PRKRA: variants seen among roughly 807,000 people sequenced by gnomAD.
PRKRA encodes interferon-inducible double-stranded RNA-dependent protein kinase activator A.
A neutral mutation model predicts 32.4 loss-of-function variants in PRKRA; 22 were observed. That is an observed-to-expected ratio of 0.68 (90% CI 0.49 to 0.97). The LOEUF is 0.97. PRKRA is among the 50% of genes least tolerant of loss of function. The pLI is 0.00. For missense variants in PRKRA, 319 were observed against 375.6 expected (o/e 0.85, Z 1.25); for synonymous variants, 139 against 129.8 (o/e 1.07, Z -0.48).
intron 7 of PRKRA, 44 bp from the exon 8 acceptor site, chr2:178,432,298 A>G: frequency 9.7e-7 from 1 of 1,035,646 alleles, no homozygotes; most frequent in South Asian, 1.5e-5. Context: ...TCCAATATGT[A>G]TAAAGTGGAT....
chr2:178,437,619 C>G (rs1696951757), intron 6 of PRKRA, among the ~76,000 whole-genome samples: 1 of 152,132 alleles, frequency 6.6e-6, no homozygotes, highest in South Asian at 2.1e-4. Flanking sequence ...AACATGTACA[C>G]TTTTAATTTT....
Position 178,432,359 on chromosome 2 carries a change from C to G in PRKRA, c.785-105G>C, listed in dbSNP as rs187844971. ...TATTATTGTCTTTCTTTTTAAGCCT[C>G]CATGGTATACTACACCACTCGCAAT... On this transcript the variant is annotated intron_variant, in intron 7 of 7. Transcript: ENST00000325748. 5.0e-6 allele frequency: 6 copies of G among 1,205,276 alleles called. No homozygotes were observed. The Admixed American group carries it at 1.4e-4, about 29-fold the overall frequency. The allele number at this position is 1,205,276 out of a possible 1,614,324, so 74.7% of individuals were successfully genotyped here.
chr2:178,443,775 A>G (rs2288320), intron 4 of PRKRA: 2 of 213,850 alleles, frequency 9.4e-6, no homozygotes, highest in South Asian at 1.5e-4. Flanking sequence ...CAGCTGGCCA[A>G]GAACACATGA....
chr2:178,437,964 A>T (rs1696966629), intron 6 of PRKRA, among the ~76,000 whole-genome samples: 1 of 152,182 alleles, frequency 6.6e-6, no homozygotes, highest in South Asian at 2.1e-4. Context: ...TAGCCTCCCG[A>T]GTAGCTGGGA....
At chr2:178,440,839 T>C (rs1697085213) in intron 6 of PRKRA, among the ~76,000 whole-genome samples, 1 of 152,216 alleles carries the variant, frequency 6.6e-6, no homozygotes, top group African/African-American at 2.4e-5. Context: ...TAAAATTCTT[T>C]AATGACTTTG....
chr2:178,442,737 T>A (rs1282508146), intron 5 of PRKRA, among the ~76,000 whole-genome samples: 1 of 152,226 alleles, frequency 6.6e-6, no homozygotes, highest in Non-Finnish European at 1.5e-5. Flanking sequence ...CCAGAGAAGT[T>A]AACAGGAATT....
intron 7 of PRKRA, among the ~76,000 whole-genome samples, chr2:178,432,673 A>C (rs1305576852): frequency 7.9e-5 from 12 of 152,224 alleles, no homozygotes; most frequent in Admixed American, 7.9e-4. Flanking sequence ...AGGACTGGAG[A>C]GATTGTATTT....
intron 3 of PRKRA, chr2:178,445,554 A>T (rs1421449414): frequency 1.9e-5 from 3 of 154,638 alleles, no homozygotes; most frequent in African/African-American, 7.2e-5. Context: ...AAGCACAAAT[A>T]TAGTAAAGTT....
Position 178,447,631 on chromosome 2 carries a change from T to A in PRKRA, c.236-45A>T, listed in dbSNP as rs562503084. 2.2e-5 allele frequency: 26 copies of A among 1,191,478 alleles called. No homozygotes were observed. In the African/African-American group the frequency reaches 4.1e-4, roughly 19 times the overall value. The allele number at this position is 1,191,478 out of a possible 1,614,324, so 73.8% of individuals were successfully genotyped here. ...AAGAAGTCTTTATCTCCCACAAAAA[T>A]GTGCAGCTTACAAAGATGTTTTCAA... On this transcript the variant is annotated intron_variant, in intron 2 of 7. Coordinates refer to ENST00000325748, the MANE Select transcript of PRKRA (RefSeq NM_003690.5).
chr2:178,439,483 T>C (rs1697035329), intron 6 of PRKRA: 3 of 152,252 alleles, frequency 2.0e-5, no homozygotes, highest in Non-Finnish European at 2.9e-5. Context: ...GTTACCTTGA[T>C]GAATTCTCTT....
In PRKRA at chr2:178,446,294, C is replaced by T. The variant is rs528550426; in HGVS notation, c.317+1211G>A. Among the ~76,000 whole-genome samples the T allele has an allele frequency of 3.9e-5, 6 of 152,138 alleles. No homozygotes were observed. The South Asian group carries it at 1.0e-3, about 26-fold the overall frequency. ...CCTCCCAAAGTGCTGGGATTACAGG[C>T]GTGAGCCACCCCGCCCAGCCTGGCA... On this transcript the variant is annotated intron_variant, in intron 3 of 7. Transcript: ENST00000325748.
At chr2:178,444,123 G>T in intron 4 of PRKRA, 1 of 280,052 alleles carries the variant, frequency 3.6e-6, no homozygotes. Context: ...AAAGAGATTT[G>T]TCACAAGAGT....
chr2:178,443,463 C>A, intron 4 of PRKRA, 79 bp from the exon 5 acceptor site: 1 of 671,604 alleles, frequency 1.5e-6, no homozygotes, highest in Non-Finnish European at 2.4e-6. Context: ...ATTTTGATCC[C>A]ATTTCTATGT....
At chr2:178,442,837 ATTT>A (rs1275435231) in intron 5 of PRKRA, among the ~76,000 whole-genome samples, 1 of 152,178 alleles carries the variant, frequency 6.6e-6, no homozygotes, top group Non-Finnish European at 1.5e-5. Context: ...GATAATTTTC[ATTT>A]TTATCTCACT....
At chr2:178,438,162 T>C (rs1401653590) in intron 6 of PRKRA, among the ~76,000 whole-genome samples, 1 of 152,214 alleles carries the variant, frequency 6.6e-6, no homozygotes, top group African/African-American at 2.4e-5. Context: ...TTAACCTAGG[T>C]TTTAAGTTAA....
At chr2:178,443,005 A>G (rs1367078891) in intron 5 of PRKRA, among the ~76,000 whole-genome samples, 2 of 152,212 alleles carry the variant, frequency 1.3e-5, no homozygotes, top group Admixed American at 6.5e-5. Context: ...TAATTTATCA[A>G]TGAAGACTGT....
rs1164285663 is a variant in PRKRA at position 178,443,228 on chromosome 2, A to C, written c.514+39T>G. The C allele has an allele frequency of 4.1e-6, 3 of 738,476 alleles. No individual in the cohort carries two copies. The Admixed American group carries it at 1.1e-4, about 27-fold the overall frequency. 45.7% of individuals were successfully genotyped at this position (738,476 alleles called of 1,614,324 possible). The stretch of plus-strand genomic sequence containing the variant: ...AATTTCGATAGTCATTCATCATCTG[A>C]AAATATTTCAAATGCCTTTAATTGT... On this transcript the variant is annotated intron_variant, in intron 5 of 7. Coordinates refer to ENST00000325748, the MANE Select transcript of PRKRA (RefSeq NM_003690.5).
intron 7 of PRKRA, 111 bp downstream of exon 7, chr2:178,436,034 T>G: frequency 5.2e-6 from 4 of 773,044 alleles, no homozygotes; most frequent in Non-Finnish European, 7.6e-6. Flanking sequence ...GAATCCCTGA[T>G]CAATAAAATA....
intron 6 of PRKRA, among the ~76,000 whole-genome samples, chr2:178,438,694 T>C (rs80343637): frequency 6.3e-4 from 95 of 151,452 alleles, no homozygotes; most frequent in East Asian, 2.1e-3. Flanking sequence ...TTTTTTTTTT[T>C]CGAGTTGGGG....
Sources: gnomAD v4.1 joint callset for allele counts (sites outside exome capture counted in the v4.1 genomes callset) on GRCh38, gnomAD v4.1.1 for gene constraint, MANE v1.5 for transcripts, NCBI Gene and HGNC (gene_info 2026-07-23, HGNC 2026-07-21) for gene names.